PCDHA11: variants seen among roughly 807,000 people sequenced by gnomAD.
PCDHA11 encodes protocadherin alpha-11.
In PCDHA11, 61 loss-of-function variants were observed where a neutral mutation model predicts 70.3. The ratio of observed to expected loss-of-function variants is 0.87; its 90% confidence interval spans 0.71 to 1.07. PCDHA11 has a LOEUF of 1.07. PCDHA11 is among the 50% of genes least tolerant of loss of function. PCDHA11 has a pLI of 0.00. For synonymous variants in PCDHA11, 633 were observed against 555.1 expected (o/e 1.14, Z -1.97); for missense variants, 1,324 against 1,237.5 (o/e 1.07, Z -1.05).
At chr5:140,928,321 A>G (rs1296238254) in intron 1 of PCDHA11, 1 of 1,614,162 alleles carries the variant, frequency 6.2e-7, no homozygotes, top group Non-Finnish European at 8.5e-7. Context: ...CCTGGGGAAG[A>G]ATGGCCTTGT....
At chr5:140,941,424 C>A (rs909959554) in intron 1 of PCDHA11, among the ~76,000 whole-genome samples, 2 of 148,790 alleles carry the variant, frequency 1.3e-5, no homozygotes, top group African/African-American at 5.0e-5. Flanking sequence ...TCAAGCAATT[C>A]TCTGCCTCAG....
At chr5:140,982,807 G>A (rs2097006971) in intron 3 of PCDHA11, among the ~76,000 whole-genome samples, 2 of 152,048 alleles carry the variant, frequency 1.3e-5, no homozygotes, top group South Asian at 4.1e-4. Flanking sequence ...GTGTGTGTGT[G>A]TGTATGAAGT....
At chr5:140,916,367 C>T (rs1400347792) in intron 1 of PCDHA11, among the ~76,000 whole-genome samples, 2 of 152,196 alleles carry the variant, frequency 1.3e-5, no homozygotes, top group Non-Finnish European at 1.5e-5. Context: ...GAGTCTTTCA[C>T]TGTAGCCACC....
intron 1 of PCDHA11, chr5:140,875,909 C>A (rs1554168058): frequency 1.2e-6 from 2 of 1,614,048 alleles, no homozygotes; most frequent in African/African-American, 2.7e-5. Flanking sequence ...TCTGAATCTG[C>A]GCCTCTGGAC....
intron 1 of PCDHA11, among the ~76,000 whole-genome samples, chr5:140,949,300 G>T (rs1373100269): frequency 1.3e-5 from 2 of 151,534 alleles, no homozygotes; most frequent in Non-Finnish European, 1.5e-5. Flanking sequence ...GTAATTGTTG[G>T]GTGTAATGAT....
chr5:140,970,625 A>C (rs534910839), intron 1 of PCDHA11, among the ~76,000 whole-genome samples: 1 of 152,316 alleles, frequency 6.6e-6, no homozygotes, highest in Non-Finnish European at 1.5e-5. Context: ...CAAAAGCCAA[A>C]ATTTTGTACC....
At chr5:140,970,953 G>A (rs975435719) in intron 1 of PCDHA11, among the ~76,000 whole-genome samples, 16 of 152,110 alleles carry the variant, frequency 1.1e-4, no homozygotes, top group South Asian at 4.1e-4. Flanking sequence ...AGAAACCATG[G>A]GAGGCAGATT....
At position 141,010,070 on chromosome 5, in the gene PCDHA11, C is replaced by A. The variant is rs1331011642; in HGVS notation, c.*133C>A. The A allele has an allele frequency of 3.7e-5, 60 of 1,605,422 alleles. No individual in the cohort carries two copies. Among genetic ancestry groups the A allele is most frequent in the Non-Finnish European group, 5.0e-5 (59 of 1,175,768 alleles). ...AGACCTCAGAAATCTGCAGAAAGTT[C>A]CCTGTGTCTGTCTAGAACGCATTTA... is the stretch of plus-strand genomic sequence containing the variant. On this transcript the variant is annotated 3_prime_UTR_variant, in exon 4 of 4. Coordinates refer to ENST00000398640, the MANE Select transcript of PCDHA11 (RefSeq NM_018902.5).
intron 1 of PCDHA11, among the ~76,000 whole-genome samples, chr5:140,973,587 C>T (rs2096594455): frequency 6.6e-6 from 1 of 152,194 alleles, no homozygotes; most frequent in African/African-American, 2.4e-5. Flanking sequence ...ACTGCTGAGC[C>T]AGATGGAATT....
At chr5:140,931,008 A>G (rs1554208204) in intron 1 of PCDHA11, among the ~76,000 whole-genome samples, 2 of 152,224 alleles carry the variant, frequency 1.3e-5, no homozygotes, top group African/African-American at 2.4e-5. Flanking sequence ...ATAACATAAC[A>G]GAGGAATTTT....
intron 1 of PCDHA11, among the ~76,000 whole-genome samples, chr5:140,902,233 T>C (rs1402685005): frequency 6.7e-6 from 1 of 149,150 alleles, no homozygotes; most frequent in African/African-American, 2.5e-5. Context: ...AGATGAGGAC[T>C]TGCTTTGTTG....
At chr5:140,901,311 C>T (rs1242541248) in intron 1 of PCDHA11, among the ~76,000 whole-genome samples, 3 of 152,052 alleles carry the variant, frequency 2.0e-5, no homozygotes, top group Non-Finnish European at 4.4e-5. Context: ...GGAGAGTTTC[C>T]CCAATGTTTT....
chr5:140,876,062 G>C, intron 1 of PCDHA11: 1 of 1,613,842 alleles, frequency 6.2e-7, no homozygotes, highest in South Asian at 1.1e-5. Flanking sequence ...TTAGTTCTTC[G>C]GAAGTTATTG....
rs57893927 is a variant in PCDHA11, at chr5:140,946,631, T to TATATATATATATATATAC, written c.2392-32317_2392-32316insTATATATATATATATACA. Among the ~76,000 whole-genome samples, 374 of 131,796 alleles carry TATATATATATATATATAC rather than the reference T, an allele frequency of 2.8e-3. 24 individuals carry two copies. The highest frequency in any genetic ancestry group is 0.011 in the African/African-American group (320 of 28,670). 86.5% of individuals were successfully genotyped at this position (131,796 alleles called of 152,430 possible). ...TGTGAAATATATATATATATATATA[T>TATATATATATATATATAC]ACAATGGAATACTCATCAGCCATTA... On this transcript the variant is annotated intron_variant, in intron 1 of 3. Coordinates refer to ENST00000398640, the MANE Select transcript of PCDHA11 (RefSeq NM_018902.5).
intron 3 of PCDHA11, among the ~76,000 whole-genome samples, chr5:141,002,107 C>T (rs991036721): frequency 6.6e-6 from 1 of 152,246 alleles, no homozygotes. Context: ...GGGCCGGAAA[C>T]GGCTATAATC....
At chr5:141,007,192 TGGTGGGGGCCAGAATATGC>T (rs1371127830) in intron 3 of PCDHA11, among the ~76,000 whole-genome samples, 1 of 151,894 alleles carries the variant, frequency 6.6e-6, no homozygotes, top group African/African-American at 2.4e-5. Flanking sequence ...AATGTTTTGA[TGGTGGGGGCCAGAATATGC>T]TGTCCCAAAA....
chr5:140,916,174 C>A (rs2077467805), intron 1 of PCDHA11, among the ~76,000 whole-genome samples: 1 of 152,124 alleles, frequency 6.6e-6, no homozygotes, highest in Non-Finnish European at 1.5e-5. Flanking sequence ...AGGCCTGGGA[C>A]TCTTCAAGGA....
chr5:140,884,273 C>T (rs1554181411), intron 1 of PCDHA11: 2 of 1,613,468 alleles, frequency 1.2e-6, no homozygotes, highest in Admixed American at 3.3e-5. Context: ...GCTGTTGTCG[C>T]TGGTGGAGAG....
intron 1 of PCDHA11, among the ~76,000 whole-genome samples, chr5:140,964,964 C>T (rs1035701368): frequency 2.6e-5 from 4 of 152,212 alleles, no homozygotes; most frequent in Non-Finnish European, 4.4e-5. Flanking sequence ...GTTGGTGGAA[C>T]GAAGGGATGT....
Sources: allele counts gnomAD v4.1 joint callset (sites outside exome capture counted in the v4.1 genomes callset), GRCh38; gene constraint gnomAD v4.1.1; transcripts MANE v1.5; gene names NCBI Gene and HGNC (gene_info 2026-07-23, HGNC 2026-07-21).